Variants in LRP1B observed in about 807,000 individuals in gnomAD.
The protein encoded by LRP1B is low-density lipoprotein receptor-related protein 1B.
A neutral mutation model predicts 556.6 loss-of-function variants in LRP1B; 217 were observed. The ratio of observed to expected loss-of-function variants is 0.39; its 90% CI spans 0.35 to 0.44. The LOEUF (loss-of-function observed/expected upper bound fraction) is 0.44. Ranked by LOEUF, LRP1B falls within the 20% of genes least tolerant of loss-of-function variation. LRP1B has a pLI of 1.00. For missense variants in LRP1B, 5,053 were observed against 5,620.8 expected, an observed-to-expected ratio of 0.90 and a Z score of 3.23; for synonymous variants, 2,047 against 1,865.8, an observed-to-expected ratio of 1.10 and a Z score of -2.50.
intron 2 of LRP1B, among the ~76,000 whole-genome samples, chr2:141,612,035 C>T (rs1688124941): frequency 6.6e-6 from 1 of 152,126 alleles, no homozygotes; most frequent in African/African-American, 2.4e-5. Flanking sequence ...CAATGGGTAG[C>T]GTTTTATTAC....
At chr2:140,760,979 C>T (rs868323579) in intron 35 of LRP1B, among the ~76,000 whole-genome samples, 53 of 152,280 alleles carry the variant, frequency 3.5e-4, no homozygotes, top group Admixed American at 1.6e-3. Context: ...TCTTTCCTTA[C>T]TCAACTTACT....
chr2:141,998,710 G>A (rs958548656), intron 1 of LRP1B, among the ~76,000 whole-genome samples: 1 of 152,158 alleles, frequency 6.6e-6, no homozygotes, highest in Non-Finnish European at 1.5e-5. Context: ...AATATACATA[G>A]ATTCGGTCTG....
chr2:141,652,267 T>G (rs1689823558), intron 2 of LRP1B, among the ~76,000 whole-genome samples: 1 of 152,196 alleles, frequency 6.6e-6, no homozygotes, highest in Admixed American at 6.5e-5. Context: ...AGAAATTTGG[T>G]TCCAGAAAAA....
intron 49 of LRP1B, among the ~76,000 whole-genome samples, chr2:140,521,606 C>A (rs1298094484): frequency 2.6e-5 from 4 of 151,900 alleles, no homozygotes; most frequent in Non-Finnish European, 5.9e-5. Flanking sequence ...AGCCCATGAA[C>A]CCTACAAAGC....
intron 35 of LRP1B, among the ~76,000 whole-genome samples, chr2:140,732,725 T>C (rs1687819337): frequency 6.6e-6 from 1 of 152,056 alleles, no homozygotes; most frequent in African/African-American, 2.4e-5. Flanking sequence ...GATCTCCGTA[T>C]CAGCTGGCAT....
chr2:141,370,695 A>G (rs1269899475), intron 3 of LRP1B, among the ~76,000 whole-genome samples: 2 of 151,580 alleles, frequency 1.3e-5, no homozygotes, highest in Non-Finnish European at 2.9e-5. Flanking sequence ...TGTGCTTTTG[A>G]AGTCTTATTC....
At chr2:141,996,721 C>G (rs547974861) in intron 1 of LRP1B, among the ~76,000 whole-genome samples, 6 of 149,816 alleles carry the variant, frequency 4.0e-5, no homozygotes, top group Admixed American at 3.3e-4. Context: ...TTTCCCCCCC[C>G]CTACAAACTA....
chr2:141,097,692 T>C (rs1574070741), intron 7 of LRP1B, among the ~76,000 whole-genome samples: 4 of 152,270 alleles, frequency 2.6e-5, no homozygotes, highest in South Asian at 2.1e-4. Context: ...CACATAATAG[T>C]GTGAAATGTC....
chr2:140,252,164 A>C (rs2104909317), intron 86 of LRP1B, among the ~76,000 whole-genome samples: 1 of 149,800 alleles, frequency 6.7e-6, no homozygotes, highest in Non-Finnish European at 1.5e-5. Flanking sequence ...TCATCTGCTT[A>C]ATTTTACTTT....
chr2:141,974,996 T>G (rs1001875540), intron 1 of LRP1B, among the ~76,000 whole-genome samples: 1 of 152,084 alleles, frequency 6.6e-6, no homozygotes. Flanking sequence ...TTTGAAATAA[T>G]GTATTATATT....
intron 2 of LRP1B, among the ~76,000 whole-genome samples, chr2:141,590,404 T>A (rs979517085): frequency 6.6e-6 from 1 of 152,142 alleles, no homozygotes; most frequent in African/African-American, 2.4e-5. Flanking sequence ...AAGCAATTTA[T>A]ACATATAAAA....
chr2:141,861,700 C>T (rs1041787613), intron 1 of LRP1B, among the ~76,000 whole-genome samples: 1 of 152,086 alleles, frequency 6.6e-6, no homozygotes, highest in Non-Finnish European at 1.5e-5. Context: ...GAGGCCGTAG[C>T]GGGTGGATGA....
rs11441032 is a variant in LRP1B at position 140,927,708 on chromosome 2, C to CTTTTTTTT, written c.3137-4569_3137-4562dup. Reference sequence around the variant, plus strand: ...AGGCAGATTAGTATTACGAGGAAGGCTTTTTTTTTTTTTTTTTGAGATGGA... The same window carrying CTTTTTTTT: ...AGGCAGATTAGTATTACGAGGAAGGCTTTTTTTTTTTTTTTTTTTTTTTTTGAGATGGA... On this transcript the variant is annotated intron_variant, in intron 20 of 90. Transcript: ENST00000389484. Among the ~76,000 whole-genome samples, 3 of 116,086 alleles carry CTTTTTTTT rather than the reference C, an allele frequency of 2.6e-5. 1 individual carries two copies. Among genetic ancestry groups the CTTTTTTTT allele is most frequent in the Non-Finnish European group, 5.0e-5 (3 of 59,990 alleles). The allele number at this position is 116,086 out of a possible 152,430, so 76.2% of individuals were successfully genotyped here. A position where few individuals can be genotyped will look rare whatever the true frequency, so the allele number is the denominator to read the frequency against.
intron 1 of LRP1B, among the ~76,000 whole-genome samples, chr2:141,884,527 T>C (rs1288800371): frequency 6.6e-6 from 1 of 152,206 alleles, no homozygotes; most frequent in Non-Finnish European, 1.5e-5. Flanking sequence ...CCTTGCCACA[T>C]TGTAATTTTA....
chr2:141,519,121 G>A (rs1470937608), intron 2 of LRP1B, among the ~76,000 whole-genome samples: 3 of 151,868 alleles, frequency 2.0e-5, no homozygotes, highest in Non-Finnish European at 4.4e-5. Flanking sequence ...TGCTGTGAGA[G>A]AAAACCAAAG....
chr2:142,095,131 T>TA (rs1706313358), intron 1 of LRP1B, among the ~76,000 whole-genome samples: 1 of 111,954 alleles, frequency 8.9e-6, no homozygotes, highest in Non-Finnish European at 1.9e-5. Context: ...TATGCACATA[T>TA]AAAAAAGCTT....
intron 1 of LRP1B, among the ~76,000 whole-genome samples, chr2:142,044,607 T>C (rs1341887450): frequency 6.6e-6 from 1 of 151,694 alleles, no homozygotes; most frequent in Non-Finnish European, 1.5e-5. Context: ...TTTGACAGAG[T>C]ACTTTTTTAA....
intron 3 of LRP1B, among the ~76,000 whole-genome samples, chr2:141,426,779 G>A (rs910069732): frequency 6.6e-6 from 1 of 152,192 alleles, no homozygotes; most frequent in Admixed American, 6.5e-5. Flanking sequence ...ATCAGAAAGA[G>A]TGAGGGTTAA....
At chr2:141,318,730 G>A (rs928238096) in intron 3 of LRP1B, among the ~76,000 whole-genome samples, 8 of 152,032 alleles carry the variant, frequency 5.3e-5, no homozygotes, top group African/African-American at 1.7e-4. Context: ...TGGGCTTGCC[G>A]AAATATTCTA....
Sources: gnomAD v4.1 joint callset for allele counts (sites outside exome capture counted in the v4.1 genomes callset) on GRCh38, gnomAD v4.1.1 for gene constraint, MANE v1.5 for transcripts, NCBI Gene and HGNC (gene_info 2026-07-23, HGNC 2026-07-21) for gene names.